The following PNPLA1 variants were observed in gnomAD, a reference collection of about 807,000 sequenced individuals.
PNPLA1 encodes the protein omega-hydroxyceramide transacylase.
In PNPLA1, 36 loss-of-function variants were observed where a neutral mutation model predicts 51.7. The observed-to-expected ratio is 0.70, with a 90% confidence interval of 0.53 to 0.92. The LOEUF (loss-of-function observed/expected upper bound fraction) is 0.92, where lower values mean the gene tolerates loss of function less well. Ranked by LOEUF, PNPLA1 falls within the 40% of genes least tolerant of loss-of-function variation. PNPLA1 has a pLI of 0.00. For missense variants in PNPLA1, 658 were observed against 682.5 expected (o/e 0.96, Z 0.40); for synonymous variants, 293 against 280.1 (o/e 1.05, Z -0.46).
intron 1 of PNPLA1, among the ~76,000 whole-genome samples, chr6:36,263,826 G>A (rs1333924336): frequency 6.6e-6 from 1 of 152,102 alleles, no homozygotes; most frequent in African/African-American, 2.4e-5. Flanking sequence ...CTCTCTATCT[G>A]GCTTTTACAC....
At chr6:36,274,047 T>C (rs1403203243) in intron 1 of PNPLA1, among the ~76,000 whole-genome samples, 1 of 152,164 alleles carries the variant, frequency 6.6e-6, no homozygotes, top group Non-Finnish European at 1.5e-5. Flanking sequence ...GTTCATTCAC[T>C]CATTTTAACT....
At chr6:36,279,156 G>A (rs1268123045) in intron 1 of PNPLA1, among the ~76,000 whole-genome samples, 4 of 152,224 alleles carry the variant, frequency 2.6e-5, no homozygotes, top group East Asian at 1.9e-4. Context: ...CCCTCTGGAC[G>A]GGAAACAGGC....
chr6:36,252,959 T>A (rs1769454857), intron 1 of PNPLA1, among the ~76,000 whole-genome samples: 1 of 152,164 alleles, frequency 6.6e-6, no homozygotes, highest in Admixed American at 6.5e-5. Context: ...GGCTGGCGGA[T>A]TGCCTGAGCT....
chr6:36,245,664 A>G (rs1278273560), intron 1 of PNPLA1, among the ~76,000 whole-genome samples: 2 of 152,220 alleles, frequency 1.3e-5, no homozygotes, highest in South Asian at 2.1e-4. Flanking sequence ...GGGGAGCTGC[A>G]TCCGCTCTTC....
intron 1 of PNPLA1, among the ~76,000 whole-genome samples, chr6:36,284,694 T>C (rs180835999): frequency 9.2e-5 from 14 of 152,296 alleles, no homozygotes; most frequent in Admixed American, 3.3e-4. Flanking sequence ...ATTTCTGACC[T>C]AGGATCCCAG....
At chr6:36,256,890 G>A (rs2127315476) in intron 1 of PNPLA1, among the ~76,000 whole-genome samples, 1 of 152,290 alleles carries the variant, frequency 6.6e-6, no homozygotes, top group African/African-American at 2.4e-5. Flanking sequence ...AGGGCAAGAT[G>A]ATTAAAGCTT....
chr6:36,254,436 C>T (rs1435158130), intron 1 of PNPLA1, among the ~76,000 whole-genome samples: 4 of 151,970 alleles, frequency 2.6e-5, no homozygotes, highest in Non-Finnish European at 4.4e-5. Context: ...ATTAGCCAGG[C>T]GTGGTGGGGT....
At position 36,311,907 on chromosome 6, in the gene PNPLA1, C is replaced by G. The variant is rs1294708918; in HGVS notation, c.*21C>G. The G allele has an allele frequency of 7.9e-5, 12 of 152,796 alleles. No homozygotes were observed. The East Asian group carries it at 2.3e-3, about 29-fold the overall frequency. The allele number at this position is 152,796 out of a possible 1,614,324, so 9.5% of individuals were successfully genotyped here. On this transcript the variant is annotated 3_prime_UTR_variant, in exon 9 of 9. Transcript: ENST00000636260. ...GATGACCTTGGAAGGCAGATACTGC[C>G]TGTCCTGTTCTGGGATGCTGTGGTG...
At chr6:36,301,299 C>T (rs1771038150) in intron 5 of PNPLA1, among the ~76,000 whole-genome samples, 1 of 152,170 alleles carries the variant, frequency 6.6e-6, no homozygotes, top group Non-Finnish European at 1.5e-5. Flanking sequence ...ATTACCTCCC[C>T]TGCCTAAAAG....
At chr6:36,290,788 A>G (rs573859019) in intron 1 of PNPLA1, among the ~76,000 whole-genome samples, 193 of 152,016 alleles carry the variant, frequency 1.3e-3, no homozygotes, top group African/African-American at 4.3e-3. Context: ...GACAAAGTTC[A>G]CCTCCTCCTC....
chr6:36,274,761 T>C (rs1770039332), intron 1 of PNPLA1, among the ~76,000 whole-genome samples: 1 of 152,216 alleles, frequency 6.6e-6, no homozygotes, highest in African/African-American at 2.4e-5. Flanking sequence ...TCTCATCTAC[T>C]GTATTTAATC....
chr6:36,303,165 G>A (rs773844367), intron 6 of PNPLA1, among the ~76,000 whole-genome samples: 34 of 152,178 alleles, frequency 2.2e-4, no homozygotes, highest in Non-Finnish European at 3.4e-4. Context: ...CGTGATCTTG[G>A]CTCACTGCCA....
rs59914317 is a variant in PNPLA1, at chr6:36,282,092, G to GAAGGAAAGAAA, written c.206-9228_206-9227insAAGGAAAGAAA. Among the ~76,000 whole-genome samples, 2 of 40,718 alleles carry GAAGGAAAGAAA rather than the reference G, an allele frequency of 4.9e-5. 1 individual carries two copies. The highest frequency in any genetic ancestry group is 2.3e-4 in the African/African-American group (2 of 8,546). 26.7% of individuals were successfully genotyped at this position (40,718 alleles called of 152,430 possible). A position where few individuals can be genotyped will look rare whatever the true frequency, so the allele number is the denominator to read the frequency against. On this transcript the variant is annotated intron_variant, in intron 1 of 8. Coordinates refer to ENST00000636260, the MANE Select transcript of PNPLA1 (RefSeq NM_001374623.1). ...AAGAAAGAAAGAAAGAAAGAAAGAA[G>GAAGGAAAGAAA]GAAGGAAGGAAGGAAGGAAGGAAGG...
At position 36,250,296 on chromosome 6, in the gene PNPLA1, AC is replaced by A. The variant is rs1240936373; in HGVS notation, c.-81+7036del. Among the ~76,000 whole-genome samples the A allele has an allele frequency of 3.9e-5, 6 of 152,252 alleles. No individual in the cohort carries two copies. In the South Asian group the frequency reaches 1.2e-3, roughly 32 times the overall value. On this transcript the variant is annotated intron_variant, in intron 1 of 7. Coordinates refer to the PNPLA1 transcript ENST00000312917. ...TGCTTCTCTCACCTTAAATATGAAT[AC>A]TGTATGTTATTTGGAGATGTGGCAG...
upstream of PNPLA1, among the ~76,000 whole-genome samples, chr6:36,265,510 C>T (rs1013125899): frequency 3.3e-5 from 5 of 152,128 alleles, no homozygotes; most frequent in Admixed American, 3.3e-4. Flanking sequence ...AGTTATTTTA[C>T]CTACGATAAC....
intron 3 of PNPLA1, 104 bp downstream of exon 3, chr6:36,293,230 GA>G: frequency 2.6e-6 from 3 of 1,156,566 alleles, no homozygotes; most frequent in Non-Finnish European, 2.5e-6. Context: ...AATGCAGCGG[GA>G]GGACCTAGAG....
chr6:36,279,253 C>T (rs1770204788), intron 1 of PNPLA1, among the ~76,000 whole-genome samples: 1 of 152,172 alleles, frequency 6.6e-6, no homozygotes, highest in Admixed American at 6.5e-5. Context: ...ACAACAGGAC[C>T]CAGCACAACT....
Position 36,313,207 on chromosome 6 carries a change from TGAG to T in PNPLA1, c.*1323_*1325del, listed in dbSNP as rs1345933719. 6.6e-6 allele frequency among the ~76,000 whole-genome samples: 1 copy of T among 152,130 alleles called. No homozygotes were observed. The highest frequency in any genetic ancestry group is 1.5e-5 in the Non-Finnish European group (1 of 68,012). On this transcript the variant is annotated 3_prime_UTR_variant, in exon 9 of 9. Transcript: ENST00000636260. ...GTCCCTCCCCTGCAGCCAACACAAATGAGGGCTCTCTGTCTGCTGTTCACACCT... is the reference window on the plus strand; with the variant it reads ...GTCCCTCCCCTGCAGCCAACACAAATGGCTCTCTGTCTGCTGTTCACACCT...
Position 36,306,393 on chromosome 6 carries a change from T to G in PNPLA1, c.1469+17T>G, listed in dbSNP as rs1229469758. Reference sequence around the variant, plus strand: ...TTATGTAACGTAAGTTTCCCCTTCGTGGAGCACGCTCTTTCCTTTGGACGG... The same window carrying G: ...TTATGTAACGTAAGTTTCCCCTTCGGGGAGCACGCTCTTTCCTTTGGACGG... On this transcript the variant is annotated intron_variant, in intron 7 of 8. Coordinates refer to ENST00000636260, the MANE Select transcript of PNPLA1 (RefSeq NM_001374623.1). 6.3e-7 allele frequency: 1 copy of G among 1,597,456 alleles called. No individual in the cohort carries two copies. Among genetic ancestry groups the G allele is most frequent in the Non-Finnish European group, 8.5e-7 (1 of 1,169,796 alleles).
Sources: allele counts gnomAD v4.1 joint callset (sites outside exome capture counted in the v4.1 genomes callset), GRCh38; gene constraint gnomAD v4.1.1; transcripts MANE v1.5; gene names NCBI Gene and HGNC (gene_info 2026-07-23, HGNC 2026-07-21).